KCNJ15: variants seen among roughly 807,000 people sequenced by gnomAD.
KCNJ15 encodes the protein potassium inwardly rectifying channel subfamily J member 15, also known as ATP-sensitive inward rectifier potassium channel 15.
KCNJ15 carries 14 observed loss-of-function variants against 23.0 expected under a neutral mutation model. That is an observed-to-expected ratio of 0.61 (90% confidence interval 0.40 to 0.95). The LOEUF (loss-of-function observed/expected upper bound fraction) is 0.95, where lower values mean the gene tolerates loss of function less well. Among genes scored for constraint, KCNJ15 ranks in the 40% least tolerant of loss-of-function variants. The pLI is 0.00. For synonymous variants in KCNJ15, 185 were observed against 183.2 expected (o/e 1.01, Z -0.08); for missense variants, 388 against 461.8 (o/e 0.84, Z 1.46).
intron 1 of KCNJ15, among the ~76,000 whole-genome samples, chr21:38,258,387 G>A (rs1223821718): frequency 6.6e-6 from 1 of 152,218 alleles, no homozygotes; most frequent in Non-Finnish European, 1.5e-5. Context: ...AATTAGGTAA[G>A]TAAGCACTTA....
At chr21:38,238,320 C>T (rs1211653890) in intron 1 of KCNJ15, 1 of 715,958 alleles carries the variant, frequency 1.4e-6, no homozygotes, top group Non-Finnish European at 2.6e-6. Flanking sequence ...CCTGGTCTTC[C>T]TGCCTTCGGA....
At chr21:38,277,725 T>C (rs1280813419) in intron 1 of KCNJ15, among the ~76,000 whole-genome samples, 1 of 152,164 alleles carries the variant, frequency 6.6e-6, no homozygotes, top group Non-Finnish European at 1.5e-5. Flanking sequence ...CCCACAGAGA[T>C]AGAAAAATGT....
intron 1 of KCNJ15, among the ~76,000 whole-genome samples, chr21:38,286,015 G>A (rs1409534954): frequency 9.9e-5 from 15 of 152,158 alleles, no homozygotes; most frequent in Admixed American, 2.0e-4. Context: ...AGGCCGAGGC[G>A]GGCGGATCAC....
At chr21:38,263,402 C>T (rs1981130000) in intron 1 of KCNJ15, among the ~76,000 whole-genome samples, 1 of 152,060 alleles carries the variant, frequency 6.6e-6, no homozygotes, top group Non-Finnish European at 1.5e-5. Flanking sequence ...TAACCCTATC[C>T]CTGCAAGAAA....
chr21:38,272,519 A>C (rs148063913), intron 1 of KCNJ15: 2 of 152,416 alleles, frequency 1.3e-5, no homozygotes, highest in East Asian at 3.9e-4. Flanking sequence ...GATCTCTGGG[A>C]TCTTCAGCTG....
intron 1 of KCNJ15, among the ~76,000 whole-genome samples, chr21:38,247,515 T>C (rs1979512024): frequency 7.2e-6 from 1 of 139,098 alleles, no homozygotes; most frequent in Non-Finnish European, 1.6e-5. Flanking sequence ...GTTGGATAGA[T>C]GCATAGGTGG....
At chr21:38,251,214 C>T (rs1294926202) in intron 1 of KCNJ15, among the ~76,000 whole-genome samples, 5 of 152,192 alleles carry the variant, frequency 3.3e-5, no homozygotes, top group Non-Finnish European at 5.9e-5. Context: ...GGAAAACAGT[C>T]ATTATCATAT....
chr21:38,271,365 C>T (rs1353263395), intron 1 of KCNJ15, among the ~76,000 whole-genome samples: 1 of 152,160 alleles, frequency 6.6e-6, no homozygotes, highest in Non-Finnish European at 1.5e-5. Flanking sequence ...TGGCCTAGAA[C>T]TCTTCACCAG....
chr21:38,237,155 A>T (rs1294886456), intron 1 of KCNJ15: 1 of 152,282 alleles, frequency 6.6e-6, no homozygotes, highest in Non-Finnish European at 1.5e-5. Context: ...GGCAGGACGA[A>T]CTTCTCACCC....
Position 38,263,904 on chromosome 21 carries a change from TAC to T in KCNJ15, c.-117+6736_-117+6737del, listed in dbSNP as rs58793003. Among the ~76,000 whole-genome samples, 202 of 150,106 alleles carry T rather than the reference TAC, an allele frequency of 1.3e-3. 2 individuals carry two copies. Among genetic ancestry groups the T allele is most frequent in the African/African-American group, 4.6e-3 (187 of 41,048 alleles). On this transcript the variant is annotated intron_variant, in intron 1 of 2. Coordinates refer to ENST00000398938, the MANE Select transcript of KCNJ15 (RefSeq NM_170736.3). ...ATTTAAGTGAATTTACAAAGATACA[TAC>T]ACACACACACACACACCATGAAATA...
At chr21:38,231,285 ATATT>A (rs1555879709) in intron 1 of KCNJ15, among the ~76,000 whole-genome samples, 1 of 151,974 alleles carries the variant, frequency 6.6e-6, no homozygotes, top group Non-Finnish European at 1.5e-5. Flanking sequence ...TAATTTGTGT[ATATT>A]TATCTTGTAT....
chr21:38,241,831 T>C (rs1979018281), intron 1 of KCNJ15, among the ~76,000 whole-genome samples: 2 of 151,806 alleles, frequency 1.3e-5, no homozygotes, highest in Admixed American at 6.6e-5. Context: ...TAGCTGGACA[T>C]TGTGATGGGC....
At chr21:38,257,998 A>G (rs1436462515) in intron 1 of KCNJ15, among the ~76,000 whole-genome samples, 1 of 152,204 alleles carries the variant, frequency 6.6e-6, no homozygotes, top group Non-Finnish European at 1.5e-5. Context: ...GACTGTGGAA[A>G]ACTAAAGACC....
intron 1 of KCNJ15, among the ~76,000 whole-genome samples, chr21:38,235,416 T>C (rs1038660620): frequency 2.6e-5 from 4 of 152,040 alleles, no homozygotes; most frequent in African/African-American, 9.7e-5. Context: ...TAGCTGGGCG[T>C]CGTGGCACGC....
intron 1 of KCNJ15, among the ~76,000 whole-genome samples, chr21:38,282,631 G>A (rs573719330): frequency 6.6e-6 from 1 of 152,124 alleles, no homozygotes; most frequent in Non-Finnish European, 1.5e-5. Flanking sequence ...GACCTAGAAC[G>A]TTGGGCATCA....
chr21:38,245,022 G>A (rs914020280), intron 1 of KCNJ15, among the ~76,000 whole-genome samples: 1 of 152,032 alleles, frequency 6.6e-6, no homozygotes, highest in Non-Finnish European at 1.5e-5. Flanking sequence ...CTCTTTAGGG[G>A]CTAGTGACTC....
At chr21:38,285,041 G>A (rs59750843) in intron 1 of KCNJ15, among the ~76,000 whole-genome samples, 9,560 of 152,234 alleles carry the variant, frequency 0.063, 802 homozygotes, top group African/African-American at 0.19. Flanking sequence ...CACATAGTTG[G>A]TGCTCAATAA....
At chr21:38,268,121 G>A (rs1011446526) in intron 1 of KCNJ15, among the ~76,000 whole-genome samples, 1 of 152,178 alleles carries the variant, frequency 6.6e-6, no homozygotes, top group Non-Finnish European at 1.5e-5. Flanking sequence ...GAAAGATAAT[G>A]CAGTTATTTG....
intron 1 of KCNJ15, among the ~76,000 whole-genome samples, chr21:38,281,143 A>G (rs973996882): frequency 6.6e-6 from 1 of 152,168 alleles, no homozygotes; most frequent in Non-Finnish European, 1.5e-5. Context: ...TTCGTATGCA[A>G]GTTTAATCAG....
Sources: gnomAD v4.1 joint callset for allele counts (sites outside exome capture counted in the v4.1 genomes callset) on GRCh38, gnomAD v4.1.1 for gene constraint, MANE v1.5 for transcripts, NCBI Gene and HGNC (gene_info 2026-07-23, HGNC 2026-07-21) for gene names.